The following SP4 variants were observed in gnomAD, a reference collection of about 807,000 sequenced individuals.
SP4 encodes transcription factor Sp4.
A neutral mutation model predicts 72.8 loss-of-function variants in SP4; 19 were observed. The ratio of observed to expected loss-of-function variants is 0.26; its 90% CI spans 0.18 to 0.38. The LOEUF (loss-of-function observed/expected upper bound fraction) is 0.38. Among genes scored for constraint, SP4 ranks in the 10% least tolerant of loss-of-function variants. The pLI is 1.00. For synonymous variants in SP4, 395 were observed against 333.1 expected (o/e 1.19, Z -2.02); for missense variants, 1,008 against 926.3 (o/e 1.09, Z -1.14).
intron 4 of SP4, among the ~76,000 whole-genome samples, chr7:21,478,976 G>A (rs1784597337): frequency 6.6e-6 from 1 of 151,822 alleles, no homozygotes; most frequent in Non-Finnish European, 1.5e-5. Context: ...GCTGAGGGAG[G>A]AGAATTGCTT....
chr7:21,512,401 C>T lies in SP4; in HGVS notation c.*1132C>T, dbSNP rs764618001. ...ATAACACAGTAATGTTTTTATGTTACATCAATAACTGAATTTTCCCTAAAA... is the reference window on the plus strand; with the variant it reads ...ATAACACAGTAATGTTTTTATGTTATATCAATAACTGAATTTTCCCTAAAA... On this transcript the variant is annotated 3_prime_UTR_variant, in exon 6 of 6. Coordinates refer to ENST00000222584, the MANE Select transcript of SP4 (RefSeq NM_003112.5). 7 of 152,198 alleles carry T rather than the reference C, an allele frequency of 4.6e-5. No homozygotes were observed. Among genetic ancestry groups the T allele is most frequent in the Non-Finnish European group, 1.0e-4 (7 of 67,988 alleles). 9.4% of individuals were successfully genotyped at this position (152,198 alleles called of 1,614,324 possible). A position where few individuals can be genotyped will look rare whatever the true frequency, so the allele number is the denominator to read the frequency against.
At chr7:21,434,948 A>T (rs1243494760) in intron 3 of SP4, among the ~76,000 whole-genome samples, 1 of 152,136 alleles carries the variant, frequency 6.6e-6, no homozygotes, top group South Asian at 2.1e-4. Flanking sequence ...CTTTATTTTA[A>T]CTAAGTGAGG....
At chr7:21,494,402 A>T (rs1052121687) in intron 5 of SP4, among the ~76,000 whole-genome samples, 2 of 152,206 alleles carry the variant, frequency 1.3e-5, no homozygotes, top group Non-Finnish European at 2.9e-5. Context: ...CCTACCAAAA[A>T]GCTTTTTGAA....
chr7:21,428,577 A>G (rs771490445), intron 1 of SP4, 100 bp from the exon 2 acceptor site: 144 of 1,161,014 alleles, frequency 1.2e-4, no homozygotes, highest in Non-Finnish European at 1.7e-4. Context: ...ATGGAGATTA[A>G]TGTTCGGGGG....
chr7:21,439,611 C>G (rs1227215453), intron 3 of SP4, among the ~76,000 whole-genome samples: 1 of 151,820 alleles, frequency 6.6e-6, no homozygotes, highest in Admixed American at 6.6e-5. Flanking sequence ...ATGTTTGAGG[C>G]CAAGTGCAAT....
intron 3 of SP4, among the ~76,000 whole-genome samples, chr7:21,434,753 C>CCCT (rs1419683209): frequency 6.6e-6 from 1 of 152,122 alleles, no homozygotes; most frequent in African/African-American, 2.4e-5. Flanking sequence ...TCCACCCTCA[C>CCCT]CCTGCCCTCC....
intron 3 of SP4, among the ~76,000 whole-genome samples, chr7:21,436,696 G>A (rs944508057): frequency 1.3e-5 from 2 of 152,182 alleles, no homozygotes; most frequent in African/African-American, 2.4e-5. Flanking sequence ...AAGATTGGAT[G>A]TTCATAATGC....
intron 3 of SP4, among the ~76,000 whole-genome samples, chr7:21,450,026 A>T (rs954034602): frequency 5.5e-4 from 84 of 151,970 alleles, no homozygotes; most frequent in African/African-American, 1.8e-3. Context: ...TATTTTATAA[A>T]ACTATTTTTA....
At chr7:21,485,341 T>C (rs186916915) in intron 5 of SP4, among the ~76,000 whole-genome samples, 217 of 151,990 alleles carry the variant, frequency 1.4e-3, no homozygotes, top group Non-Finnish European at 2.5e-3. Context: ...TTTAAAAAAA[T>C]TTGTAAAGGT....
Position 21,430,494 on chromosome 7 carries a change from T to C in SP4, c.1329T>C (p.Asn443=), listed in dbSNP as rs1459914962. ...IQTIQQQPLQ[N]VQLQAVNPTQ... ...CCATCCAGCAGCAGCCTTTACAGAA[T>C]GTTCAACTTCAAGCAGTAAATCCGA... The change falls in exon 3 of 6, where the codon AAT becomes AAC. Residue 443 remains asparagine, a synonymous_variant. Coordinates refer to ENST00000222584, the MANE Select transcript of SP4 (RefSeq NM_003112.5). 1.2e-6 allele frequency: 2 copies of C among 1,614,118 alleles called. No individual in the cohort carries two copies. The highest frequency in any genetic ancestry group is 1.7e-5 in the Admixed American group (1 of 60,024).
rs201884333 is a variant in SP4, at chr7:21,514,442, CAG to C, written c.*3175_*3176del. On this transcript the variant is annotated 3_prime_UTR_variant, in exon 6 of 6. Transcript: ENST00000222584. Reference sequence around the variant, plus strand: ...TTAAATCTACATAATGATTTTAAAACAGAAATAGTTGATGGTAAAATGTAAAT... The same window carrying C: ...TTAAATCTACATAATGATTTTAAAACAAATAGTTGATGGTAAAATGTAAAT... 1.9e-3 allele frequency: 276 copies of C among 143,478 alleles called. 4 individuals carry two copies. The highest frequency in any genetic ancestry group is 8.4e-3 in the Admixed American group (116 of 13,862). The allele number at this position is 143,478 out of a possible 1,614,324, so 8.9% of individuals were successfully genotyped here. A position where few individuals can be genotyped will look rare whatever the true frequency, so the allele number is the denominator to read the frequency against.
intron 5 of SP4, among the ~76,000 whole-genome samples, chr7:21,492,909 A>G (rs1562623675): frequency 6.6e-6 from 1 of 152,166 alleles, no homozygotes; most frequent in Non-Finnish European, 1.5e-5. Context: ...CAAATTTGAA[A>G]TAAGAATCAG....
At chr7:21,439,726 C>T (rs1484861300) in intron 3 of SP4, among the ~76,000 whole-genome samples, 1 of 151,652 alleles carries the variant, frequency 6.6e-6, no homozygotes, top group African/African-American at 2.4e-5. Flanking sequence ...TGTACCTCTA[C>T]GAAAAAAGGA....
chr7:21,428,176 T>TCCACCCCCC lies in SP4; in HGVS notation c.-74_-73insACCCCCCCC. The TCCACCCCCC allele has an allele frequency of 1.4e-6, 1 of 718,776 alleles. No individual in the cohort carries two copies. Among genetic ancestry groups the TCCACCCCCC allele is most frequent in the East Asian group, 3.0e-5 (1 of 33,532 alleles). 44.5% of individuals were successfully genotyped at this position (718,776 alleles called of 1,614,324 possible). ...ACCGCGGGCGGGCGGGACCGGCCTC[T>TCCACCCCCC]CCTCCCGCCTCGCCCCCACCCCCAC... On this transcript the variant is annotated 5_prime_UTR_variant, in exon 1 of 6. Transcript: ENST00000222584.
At chr7:21,463,023 T>C (rs1410039652) in intron 3 of SP4, among the ~76,000 whole-genome samples, 1 of 152,076 alleles carries the variant, frequency 6.6e-6, no homozygotes, top group African/African-American at 2.4e-5. Context: ...AAGTGCTAAT[T>C]ACCACATGTG....
chr7:21,441,494 A>G (rs1351837554), intron 3 of SP4, among the ~76,000 whole-genome samples: 2 of 152,208 alleles, frequency 1.3e-5, no homozygotes, highest in African/African-American at 2.4e-5. Flanking sequence ...TTTCAAGAAG[A>G]GATTGTGCCA....
intron 4 of SP4, among the ~76,000 whole-genome samples, chr7:21,479,855 A>G (rs191718950): frequency 5.3e-5 from 8 of 152,194 alleles, no homozygotes; most frequent in South Asian, 2.1e-4. Context: ...TTAAATTCCA[A>G]TTTTATTTCT....
In SP4 at chr7:21,437,853, A is replaced by G. The variant is rs182309025; in HGVS notation, c.1678+7010A>G. Among the ~76,000 whole-genome samples, 7 of 152,324 alleles carry G rather than the reference A, an allele frequency of 4.6e-5. No individual in the cohort carries two copies. The South Asian group carries it at 1.4e-3, about 32-fold the overall frequency. ...CGCAGTACCGGGTGGCACATTTTAAATGGGACATTGACAGACTCGCAAATG... is the reference window on the plus strand; with the variant it reads ...CGCAGTACCGGGTGGCACATTTTAAGTGGGACATTGACAGACTCGCAAATG... On this transcript the variant is annotated intron_variant, in intron 3 of 5. Transcript: ENST00000222584.
At chr7:21,458,650 C>T (rs1467149209) in intron 3 of SP4, among the ~76,000 whole-genome samples, 1 of 152,052 alleles carries the variant, frequency 6.6e-6, no homozygotes, top group East Asian at 1.9e-4. Context: ...TTAAATCCTC[C>T]TTTTCCCCAA....
Sources: gnomAD v4.1 joint callset for allele counts (sites outside exome capture counted in the v4.1 genomes callset) on GRCh38, gnomAD v4.1.1 for gene constraint, MANE v1.5 for transcripts, NCBI Gene and HGNC (gene_info 2026-07-23, HGNC 2026-07-21) for gene names.